The following TULP4 variants were observed in gnomAD, a reference collection of about 807,000 sequenced individuals.
TULP4 encodes tubby-related protein 4.
Under a neutral mutation model 129.0 loss-of-function variants are expected in TULP4, and 16 were observed. The ratio of observed to expected loss-of-function variants is 0.12; its 90% CI spans 0.08 to 0.19. TULP4 has a LOEUF of 0.19. Ranked by LOEUF, TULP4 falls within the 10% of genes least tolerant of loss-of-function variation. TULP4 has a pLI of 1.00. For synonymous variants in TULP4, 998 were observed against 854.0 expected (o/e 1.17, Z -2.94); for missense variants, 1,842 against 2,059.1 (o/e 0.89, Z 2.04).
At chr6:158,488,663 T>C (rs964916735) in intron 8 of TULP4, among the ~76,000 whole-genome samples, 20 of 152,282 alleles carry the variant, frequency 1.3e-4, no homozygotes, top group African/African-American at 4.8e-4. Context: ...TATTTCATTG[T>C]GATTGAATGA....
Position 158,236,795 on chromosome 6 carries a change from C to CTTTTTTTTTTTTTTTTTTTTTTT in TULP4, n.68+4506_68+4528dup, listed in dbSNP as rs71030149. Among the ~76,000 whole-genome samples, 27 of 63,292 alleles carry CTTTTTTTTTTTTTTTTTTTTTTT rather than the reference C, an allele frequency of 4.3e-4. 4 individuals carry two copies. Among genetic ancestry groups the CTTTTTTTTTTTTTTTTTTTTTTT allele is most frequent in the South Asian group, 1.2e-3 (2 of 1,726 alleles). The allele number at this position is 63,292 out of a possible 152,430, so 41.5% of individuals were successfully genotyped here. A position where few individuals can be genotyped will look rare whatever the true frequency, so the allele number is the denominator to read the frequency against. On this transcript the variant is annotated intron_variant and non_coding_transcript_variant, in intron 1 of 1. Coordinates refer to the TULP4 transcript ENST00000620026. Reference sequence around the variant, plus strand: ...AGATGGGTAAATGCCCAATTCTTTTCTTTTTTTTTTTTTTTTTTTTTTTTT... The same window carrying CTTTTTTTTTTTTTTTTTTTTTTT: ...AGATGGGTAAATGCCCAATTCTTTTCTTTTTTTTTTTTTTTTTTTTTTTTTTTTTTTTTTTTTTTTTTTTTTTT...
chr6:158,373,493 T>G (rs1562539947), intron 1 of TULP4, among the ~76,000 whole-genome samples: 1 of 152,210 alleles, frequency 6.6e-6, no homozygotes. Context: ...GTCGTCATCG[T>G]GGATGGCTTT....
At chr6:158,265,823 T>G (rs1329302146) in intron 1 of TULP4, among the ~76,000 whole-genome samples, 3 of 152,172 alleles carry the variant, frequency 2.0e-5, no homozygotes, top group East Asian at 1.9e-4. Context: ...CACCAGTTCT[T>G]AGATCATTGG....
intron 1 of TULP4, among the ~76,000 whole-genome samples, chr6:158,379,078 C>T (rs112145005): frequency 0.19 from 29,620 of 152,058 alleles, 3,636 homozygotes; most frequent in Middle Eastern, 0.28. Context: ...CTGCTGGAGC[C>T]GTCTGGGAGA....
intron 1 of TULP4, among the ~76,000 whole-genome samples, chr6:158,234,716 T>G (rs1777656494): frequency 6.6e-6 from 1 of 152,250 alleles, no homozygotes; most frequent in Non-Finnish European, 1.5e-5. Context: ...CCAAAAGCCT[T>G]ACAGAAATTG....
At chr6:158,442,569 C>T (rs341120) in intron 3 of TULP4, among the ~76,000 whole-genome samples, 65,946 of 151,898 alleles carry the variant, frequency 0.43, 15,532 homozygotes, top group South Asian at 0.69. Flanking sequence ...GGTGAGTGGC[C>T]ACCCTGGGCA....
At chr6:158,274,195 T>C (rs1226044580) in intron 1 of TULP4, among the ~76,000 whole-genome samples, 1 of 150,512 alleles carries the variant, frequency 6.6e-6, no homozygotes, top group Admixed American at 6.6e-5. Flanking sequence ...GAGGTGGAGG[T>C]TGTAATGAGC....
intron 12 of TULP4, among the ~76,000 whole-genome samples, chr6:158,499,434 A>G (rs529019172): frequency 2.0e-5 from 3 of 152,388 alleles, no homozygotes; most frequent in African/African-American, 7.2e-5. Flanking sequence ...CAATATCCAT[A>G]GCATCTTAAG....
intron 1 of TULP4, among the ~76,000 whole-genome samples, chr6:158,382,421 A>G (rs117065668): frequency 0.015 from 2,313 of 152,254 alleles, 21 homozygotes; most frequent in Non-Finnish European, 0.023. Context: ...CAAACCTTCC[A>G]ACATTATAGA....
Position 158,493,699 on chromosome 6 carries a change from T to C in TULP4, c.1758T>C (p.Pro586=), listed in dbSNP as rs777407846. The change falls in exon 10 of 14, where the codon CCT becomes CCC. Residue 586 remains proline, a synonymous_variant. Transcript: ENST00000367097. This position sits in a 1 kb window ranked among gnomAD's most constrained non-coding sequence, Gnocchi z 4.4. ...CCAGCCTGACTCGGAGAGAGTTTCC[T>C]TTTGAAGACATCACTCAGGTAGGAG... ...GSPSLTRREF[P]FEDITQHNYL... 6.3e-7 allele frequency: 1 copy of C among 1,581,018 alleles called. No individual in the cohort carries two copies. The highest frequency in any genetic ancestry group is 1.2e-5 in the South Asian group (1 of 86,368).
At chr6:158,307,536 C>T (rs760217876), upstream of TULP4, among the ~76,000 whole-genome samples, 10 of 152,104 alleles carry the variant, frequency 6.6e-5, 1 homozygote, top group South Asian at 2.1e-4. Context: ...GACTAGAGTG[C>T]GGTGGTGTGA....
In TULP4 at chr6:158,506,222, C is replaced by CTTTTTTT. The variant is rs61292138; in HGVS notation, c.4516-334_4516-328dup. 4.3e-3 allele frequency among the ~76,000 whole-genome samples: 236 copies of CTTTTTTT among 55,502 alleles called. 30 individuals carry two copies. The highest frequency in any genetic ancestry group is 4.9e-3 in the Non-Finnish European group (148 of 30,220). 36.4% of individuals were successfully genotyped at this position (55,502 alleles called of 152,430 possible). On this transcript the variant is annotated intron_variant, in intron 13 of 13. Transcript: ENST00000367097. ...CGGCTGTCGCCTTGCTCGCCTTGTT[C>CTTTTTTT]TTTTTTTTTTTTTTTTTTTTTTTTT...
intron 1 of TULP4, among the ~76,000 whole-genome samples, chr6:158,386,158 T>C (rs1777443943): frequency 6.6e-6 from 1 of 152,030 alleles, no homozygotes; most frequent in Non-Finnish European, 1.5e-5. Flanking sequence ...TCATATAATA[T>C]CTTGATTTTA....
At chr6:158,470,938 C>T (rs1352342889) in intron 6 of TULP4, among the ~76,000 whole-genome samples, 3 of 152,006 alleles carry the variant, frequency 2.0e-5, no homozygotes, top group Non-Finnish European at 2.9e-5. Context: ...GAGGGGAAGG[C>T]AGAGAGAGGA....
chr6:158,498,158 G>A (rs1042933467), intron 11 of TULP4, among the ~76,000 whole-genome samples: 2 of 152,122 alleles, frequency 1.3e-5, no homozygotes, highest in African/African-American at 4.8e-5. Context: ...AGTAAACCAA[G>A]GTTCCAGCCG....
At chr6:158,290,553 T>C (rs1778919811) in intron 1 of TULP4, among the ~76,000 whole-genome samples, 1 of 151,686 alleles carries the variant, frequency 6.6e-6, no homozygotes, top group East Asian at 1.9e-4. Flanking sequence ...TTTCTCTTTC[T>C]AGGGGATTGA....
intron 1 of TULP4, among the ~76,000 whole-genome samples, chr6:158,267,166 A>G (rs1389490283): frequency 6.6e-6 from 1 of 152,168 alleles, no homozygotes; most frequent in African/African-American, 2.4e-5. Context: ...GCTGAATGAT[A>G]TTTCATTGTA....
intron 1 of TULP4, among the ~76,000 whole-genome samples, chr6:158,249,449 G>A (rs964238495): frequency 1.3e-5 from 2 of 152,188 alleles, no homozygotes; most frequent in Non-Finnish European, 2.9e-5. Context: ...AAAGTGGCAC[G>A]CATTCTGTTT....
chr6:158,412,394 A>G (rs1001650912), intron 1 of TULP4, among the ~76,000 whole-genome samples: 7 of 152,176 alleles, frequency 4.6e-5, no homozygotes, highest in African/African-American at 1.4e-4. Context: ...GCACTCACCT[A>G]TTCTCAAAAG....
Sources: allele counts gnomAD v4.1 joint callset (sites outside exome capture counted in the v4.1 genomes callset), GRCh38; gene constraint gnomAD v4.1.1; non-coding constraint Gnocchi (gnomAD v3.1); transcripts MANE v1.5; gene names NCBI Gene and HGNC (gene_info 2026-07-23, HGNC 2026-07-21).